The following G2E3 variants were observed in gnomAD, a reference collection of about 807,000 sequenced individuals.
G2E3 encodes the protein G2/M phase-specific E3 ubiquitin-protein ligase.
G2E3 carries 35 observed loss-of-function variants against 92.8 expected under a neutral mutation model. The observed-to-expected ratio is 0.38, with a 90% CI of 0.29 to 0.50. The LOEUF is 0.50. Among genes scored for constraint, G2E3 ranks in the 20% least tolerant of loss-of-function variants. The pLI is 0.94. For synonymous variants in G2E3, 242 were observed against 272.4 expected (o/e 0.89, Z 1.10); for missense variants, 554 against 823.8 (o/e 0.67, Z 4.01).
intron 2 of G2E3, among the ~76,000 whole-genome samples, chr14:30,584,174 A>C (rs1245710350): frequency 2.0e-5 from 3 of 152,208 alleles, no homozygotes; most frequent in African/African-American, 7.2e-5. Flanking sequence ...TAATATTTCT[A>C]GGTTTATTCA....
rs942164959 is a variant in G2E3, at chr14:30,598,605, T to C, written c.752+6T>C. On this transcript the variant is annotated splice_donor_region_variant and intron_variant, in intron 8 of 14. Transcript: ENST00000206595. The stretch of plus-strand genomic sequence containing the variant: ...GACTATAATGCACCTGATAGGTATT[T>C]CTGAAAGTTCAGTTGTGCTTAGTGG... 6.5e-7 allele frequency: 1 copy of C among 1,545,284 alleles called. No individual in the cohort carries two copies. Among genetic ancestry groups the C allele is most frequent in the Non-Finnish European group, 9.0e-7 (1 of 1,117,210 alleles).
intron 10 of G2E3, 33 bp from the exon 11 acceptor site, chr14:30,605,472 A>T: frequency 1.2e-6 from 1 of 856,492 alleles, no homozygotes; most frequent in Non-Finnish European, 1.8e-6. Context: ...ACTTTAAAGT[A>T]CTTATCTCTA....
At position 30,602,015 on chromosome 14, in the gene G2E3, C is replaced by A; in HGVS notation, c.894C>A (p.Ala298=). The change falls in exon 10 of 15, where the codon GCC becomes GCA. Residue 298 remains alanine (A), a synonymous_variant. Transcript: ENST00000206595. ...AATCTGTAGGAGAGTTCCAAAAAGC[C>A]AAAAAACATGTATTACCCAATTCTA... ...IIYNSGEFQK[A]KKHVLPNSNN... is the part of the protein sequence containing the mutation. 2 of 1,609,790 alleles carry A rather than the reference C, an allele frequency of 1.2e-6. No homozygotes were observed. Among genetic ancestry groups the A allele is most frequent in the Non-Finnish European group, 1.7e-6 (2 of 1,178,250 alleles).
chr14:30,605,413 T>A, intron 10 of G2E3, 92 bp from the exon 11 acceptor site: 1 of 502,918 alleles, frequency 2.0e-6, no homozygotes, highest in Non-Finnish European at 3.5e-6. Flanking sequence ...AATCTTTTTT[T>A]CCCCTCGTCT....
chr14:30,580,828 A>C, intron 1 of G2E3: 1 of 403,198 alleles, frequency 2.5e-6, no homozygotes, highest in Non-Finnish European at 4.5e-6. Context: ...GCCTCTTTCC[A>C]CTAAATACCA....
intron 11 of G2E3, among the ~76,000 whole-genome samples, chr14:30,607,238 CAA>C (rs1881872065): frequency 6.6e-6 from 1 of 151,914 alleles, no homozygotes; most frequent in African/African-American, 2.4e-5. Context: ...TTTATATACA[CAA>C]AGAGGTACAA....
At chr14:30,582,112 G>A (rs1256585769) in intron 2 of G2E3, among the ~76,000 whole-genome samples, 4 of 152,046 alleles carry the variant, frequency 2.6e-5, no homozygotes, top group Non-Finnish European at 4.4e-5. Flanking sequence ...GAAACTTTTA[G>A]TACTTCATGG....
At position 30,559,227 on chromosome 14, in the gene G2E3, G is replaced by T. The variant is rs1878938661; in HGVS notation, c.-50G>T. 6.6e-6 allele frequency: 1 copy of T among 152,646 alleles called. No individual in the cohort carries two copies. Among genetic ancestry groups the T allele is most frequent in the African/African-American group, 2.4e-5 (1 of 41,486 alleles). 9.5% of individuals were successfully genotyped at this position (152,646 alleles called of 1,614,324 possible). On this transcript the variant is annotated 5_prime_UTR_variant, in exon 1 of 15. Transcript: ENST00000206595. ...GCGTGCCCCGACGTACAGCGGGCCG[G>T]GAAAAGTGGCACTGAGGCTCTGGAA...
chr14:30,598,170 A>G, intron 7 of G2E3: 1 of 226,330 alleles, frequency 4.4e-6, no homozygotes, highest in South Asian at 6.7e-5. Context: ...AGATCACCCA[A>G]GGTCAGGAGT....
chr14:30,580,105 A>G (rs956953624), intron 1 of G2E3, among the ~76,000 whole-genome samples: 2 of 152,230 alleles, frequency 1.3e-5, no homozygotes, highest in Non-Finnish European at 2.9e-5. Context: ...CCGTACTAGA[A>G]GAGGTAACAA....
chr14:30,589,432 A>G lies in G2E3; in HGVS notation c.185A>G (p.Tyr62Cys). Residue 62 changes from tyrosine to cysteine, a missense_variant, in exon 4 of 15, where the codon TAT (tyrosine) becomes TGT (cysteine). Transcript: ENST00000206595. Reference protein sequence around the residue: ...WQRGKEEEGVYGFLIEDIRKE... With the variant: ...WQRGKEEEGVCGFLIEDIRKE... ...AGAGGCAAAGAAGAAGAAGGAGTTT[A>G]TGGTTTTCTAATAGAAGATATCAGG... 1 of 1,605,464 alleles carries G rather than the reference A, an allele frequency of 6.2e-7. No individual in the cohort carries two copies. The highest frequency in any genetic ancestry group is 8.5e-7 in the Non-Finnish European group (1 of 1,172,724).
At chr14:30,599,286 G>A (rs1298656726) in intron 8 of G2E3, among the ~76,000 whole-genome samples, 1 of 152,128 alleles carries the variant, frequency 6.6e-6, no homozygotes, top group Non-Finnish European at 1.5e-5. Context: ...GGAGTACAGT[G>A]GCATGATCTC....
chr14:30,560,569 T>G, intron 1 of G2E3: 1 of 505,044 alleles, frequency 2.0e-6, no homozygotes, highest in Non-Finnish European at 3.5e-6. Flanking sequence ...TTGGCTATAC[T>G]TCTCTAAGCC....
At chr14:30,601,950 G>C in intron 9 of G2E3, 49 bp from the exon 10 acceptor site, 1 of 1,605,154 alleles carries the variant, frequency 6.2e-7, no homozygotes, top group Admixed American at 1.7e-5. Flanking sequence ...TGATTTAAAA[G>C]TTTTTACCTA....
At chr14:30,579,937 C>T (rs1231892903) in intron 1 of G2E3, among the ~76,000 whole-genome samples, 1 of 152,148 alleles carries the variant, frequency 6.6e-6, no homozygotes, top group East Asian at 1.9e-4. Flanking sequence ...TGAAGTGAAA[C>T]TTTAATGTTA....
rs140166042 is a variant in G2E3 at position 30,589,311 on chromosome 14, T to G, written c.136-72T>G. ...GTCTGTTTTTTATTAGACTGAATAG[T>G]ATGGATATATATTTTTTTAATGCCC... On this transcript the variant is annotated intron_variant, in intron 3 of 14. Transcript: ENST00000206595. The G allele has an allele frequency of 3.6e-6, 3 of 829,496 alleles. 1 individual carries two copies. Among genetic ancestry groups the G allele is most frequent in the Middle Eastern group, 2.9e-4 (1 of 3,464 alleles). The allele number at this position is 829,496 out of a possible 1,614,324, so 51.4% of individuals were successfully genotyped here. A position where few individuals can be genotyped will look rare whatever the true frequency, so the allele number is the denominator to read the frequency against.
intron 2 of G2E3, among the ~76,000 whole-genome samples, chr14:30,586,313 T>G (rs916469464): frequency 6.6e-6 from 1 of 152,194 alleles, no homozygotes; most frequent in Non-Finnish European, 1.5e-5. Context: ...GTGGGTAAGT[T>G]AAGATGTTCT....
At position 30,618,948 on chromosome 14, in the gene G2E3, A is replaced by AT. The variant is rs892066612; in HGVS notation, c.*2418dup. ...TATTGCAATTGCCTAAATGTTGTAT[A>AT]TTTTAAGGCTGTTTTCTCTTGCTCT... On this transcript the variant is annotated 3_prime_UTR_variant, in exon 15 of 15. Transcript: ENST00000206595. 9.2e-5 allele frequency: 14 copies of AT among 152,050 alleles called. No homozygotes were observed. Among genetic ancestry groups the AT allele is most frequent in the African/African-American group, 3.1e-4 (13 of 41,452 alleles). 9.4% of individuals were successfully genotyped at this position (152,050 alleles called of 1,614,324 possible). A position where few individuals can be genotyped will look rare whatever the true frequency, so the allele number is the denominator to read the frequency against.
At chr14:30,580,905 T>C (rs754962984) in intron 1 of G2E3, 171 bp from the exon 2 acceptor site, 1 of 566,772 alleles carries the variant, frequency 1.8e-6, no homozygotes, top group South Asian at 2.0e-5. Flanking sequence ...TTCCCGACTC[T>C]TAACACCCCA....
Sources: gnomAD v4.1 joint callset for allele counts (sites outside exome capture counted in the v4.1 genomes callset) on GRCh38, gnomAD v4.1.1 for gene constraint, MANE v1.5 for transcripts, NCBI Gene and HGNC (gene_info 2026-07-23, HGNC 2026-07-21) for gene names.